The following FOXO1 variants were observed in gnomAD, a reference collection of about 807,000 sequenced individuals.
FOXO1 encodes forkhead box O1.
A neutral mutation model predicts 44.1 loss-of-function variants in FOXO1; 6 were observed. That is an observed-to-expected ratio of 0.14 (90% CI 0.07 to 0.27). FOXO1 has a LOEUF of 0.27. Ranked by LOEUF, FOXO1 falls within the 10% of genes least tolerant of loss-of-function variation. FOXO1 has a pLI of 1.00. For synonymous variants in FOXO1, 380 were observed against 362.7 expected (o/e 1.05, Z -0.54); for missense variants, 737 against 888.8 (o/e 0.83, Z 2.17).
At chr13:40,658,825 C>T (rs1028221212) in intron 1 of FOXO1, among the ~76,000 whole-genome samples, 58 of 151,938 alleles carry the variant, frequency 3.8e-4, no homozygotes, top group African/African-American at 1.2e-3. Flanking sequence ...CTGGCTAACA[C>T]GGTGAAATCC....
chr13:40,625,633 T>C (rs937559791), intron 1 of FOXO1, among the ~76,000 whole-genome samples: 3 of 151,348 alleles, frequency 2.0e-5, no homozygotes, highest in Non-Finnish European at 2.9e-5. Flanking sequence ...TTTATTCCTT[T>C]ATTTTAATAA....
At chr13:40,564,122 G>A (rs1201742461) in intron 1 of FOXO1, among the ~76,000 whole-genome samples, 5 of 152,062 alleles carry the variant, frequency 3.3e-5, no homozygotes, top group Non-Finnish European at 5.9e-5. Flanking sequence ...TTGGGGAGAG[G>A]GGGTGAAGCT....
chr13:40,558,056 T>TTAA lies in FOXO1; in HGVS notation c.*990_*992dup, dbSNP rs1873826691. On this transcript the variant is annotated 3_prime_UTR_variant, in exon 3 of 3. Coordinates refer to ENST00000379561, the MANE Select transcript of FOXO1 (RefSeq NM_002015.4). The stretch of plus-strand genomic sequence containing the variant: ...ATATGCAAGTACTAATTACAATGAT[T>TTAA]TAAGATTAGTCAGAAACATCACTAA... 6.6e-6 allele frequency: 1 copy of TTAA among 152,668 alleles called. No homozygotes were observed. The highest frequency in any genetic ancestry group is 1.5e-5 in the Non-Finnish European group (1 of 68,042). The allele number at this position is 152,668 out of a possible 1,614,324, so 9.5% of individuals were successfully genotyped here.
intron 1 of FOXO1, among the ~76,000 whole-genome samples, chr13:40,651,090 TG>T (rs1380669896): frequency 1.8e-5 from 2 of 113,106 alleles, no homozygotes; most frequent in African/African-American, 4.1e-5. Context: ...TTTGGTTTTT[TG>T]TTTTTTGTTT....
intron 1 of FOXO1, among the ~76,000 whole-genome samples, chr13:40,646,893 C>A (rs913364232): frequency 6.6e-6 from 1 of 152,096 alleles, no homozygotes; most frequent in East Asian, 1.9e-4. Context: ...CGCGCCCGGC[C>A]TGAACTTCGT....
chr13:40,624,337 A>AAT (rs1876716809), intron 1 of FOXO1, among the ~76,000 whole-genome samples: 1 of 149,192 alleles, frequency 6.7e-6, no homozygotes, highest in African/African-American at 2.5e-5. Context: ...AAAAAAAAAA[A>AAT]AAGATCACTC....
chr13:40,594,213 T>C (rs1028484628), intron 1 of FOXO1, among the ~76,000 whole-genome samples: 1 of 152,060 alleles, frequency 6.6e-6, no homozygotes, highest in Admixed American at 6.5e-5. Flanking sequence ...TAATGGATAG[T>C]GAACAAAAAG....
At chr13:40,566,104 G>A (rs1017915404) in intron 1 of FOXO1, among the ~76,000 whole-genome samples, 1 of 152,306 alleles carries the variant, frequency 6.6e-6, no homozygotes, top group African/African-American at 2.4e-5. Flanking sequence ...CACATTGCTG[G>A]GGCCAGGGGC....
At chr13:40,564,945 G>GAGGCGGGGAACCCCGACATGGTGT (rs1874205782) in intron 1 of FOXO1, among the ~76,000 whole-genome samples, 1 of 148,512 alleles carries the variant, frequency 6.7e-6, no homozygotes, top group South Asian at 2.2e-4. Flanking sequence ...ACAGATGGGG[G>GAGGCGGGGAACCCCGACATGGTGT]AGTCGGGGAA....
intron 1 of FOXO1, among the ~76,000 whole-genome samples, chr13:40,603,164 T>G (rs1398128111): frequency 6.6e-6 from 1 of 152,106 alleles, no homozygotes; most frequent in Non-Finnish European, 1.5e-5. Context: ...TAGGCTTCTC[T>G]CAGGACATGC....
chr13:40,597,169 G>A (rs771110686), intron 1 of FOXO1, among the ~76,000 whole-genome samples: 25 of 147,132 alleles, frequency 1.7e-4, no homozygotes, highest in African/African-American at 3.6e-4. Flanking sequence ...ACAGTTACAC[G>A]TGATTAATGC....
chr13:40,611,185 C>T, intron 1 of FOXO1: 1 of 351,142 alleles, frequency 2.8e-6, no homozygotes, highest in South Asian at 2.1e-5. Flanking sequence ...TTGTTCTACC[C>T]TGTTACATAA....
intron 1 of FOXO1, among the ~76,000 whole-genome samples, chr13:40,591,943 G>C (rs779641738): frequency 1.3e-5 from 2 of 152,124 alleles, no homozygotes; most frequent in African/African-American, 2.4e-5. Flanking sequence ...CGGGCCTCAA[G>C]TGATCCACCC....
At chr13:40,584,863 T>C (rs1875098353) in intron 1 of FOXO1, among the ~76,000 whole-genome samples, 1 of 152,194 alleles carries the variant, frequency 6.6e-6, no homozygotes, top group Non-Finnish European at 1.5e-5. Flanking sequence ...GAAGCGCAGC[T>C]TGGCAATCTA....
chr13:40,575,148 A>G (rs549145276), intron 1 of FOXO1, among the ~76,000 whole-genome samples: 1 of 152,090 alleles, frequency 6.6e-6, no homozygotes, highest in East Asian at 1.9e-4. Context: ...CCTGGGCAAC[A>G]CAATGAGACC....
intron 1 of FOXO1, among the ~76,000 whole-genome samples, chr13:40,651,107 TTTTG>T: frequency 1.3e-5 from 2 of 150,338 alleles, no homozygotes; most frequent in Non-Finnish European, 3.0e-5. Context: ...TGTTTTTTGT[TTTTG>T]TTTTTTTTTA....
chr13:40,620,640 C>T, intron 1 of FOXO1: 1 of 411,084 alleles, frequency 2.4e-6, no homozygotes, highest in Non-Finnish European at 4.6e-6. Context: ...GCAGCCAGCA[C>T]AGGGAACGGG....
chr13:40,644,386 A>G, intron 1 of FOXO1, among the ~76,000 whole-genome samples: 1 of 152,252 alleles, frequency 6.6e-6, no homozygotes, highest in Admixed American at 6.5e-5. Flanking sequence ...AAGGAGAGTG[A>G]GGACTTTACT....
chr13:40,662,124 T>C (rs1022627069), intron 1 of FOXO1, among the ~76,000 whole-genome samples: 28 of 138,444 alleles, frequency 2.0e-4, no homozygotes, highest in Non-Finnish European at 3.4e-4. Flanking sequence ...CAAGCCGAGA[T>C]TGCGCCACTG....
Sources: allele counts gnomAD v4.1 joint callset (sites outside exome capture counted in the v4.1 genomes callset), GRCh38; gene constraint gnomAD v4.1.1; transcripts MANE v1.5; gene names NCBI Gene and HGNC (gene_info 2026-07-23, HGNC 2026-07-21).